CNTNAP5: variants seen among roughly 807,000 people sequenced by gnomAD.
CNTNAP5 encodes the protein contactin-associated protein-like 5.
In CNTNAP5, 72 loss-of-function variants were observed where a neutral mutation model predicts 150.2. The ratio of observed to expected loss-of-function variants is 0.48; its 90% CI spans 0.40 to 0.58. The LOEUF (loss-of-function observed/expected upper bound fraction) is 0.58. Among genes scored for constraint, CNTNAP5 ranks in the 20% least tolerant of loss-of-function variants. CNTNAP5 has a pLI of 0.00. For synonymous variants in CNTNAP5, 672 were observed against 619.8 expected, an observed-to-expected ratio of 1.08 and a Z score of -1.25; for missense variants, 1,636 against 1,626.2, an observed-to-expected ratio of 1.01 and a Z score of -0.10.
intron 1 of CNTNAP5, among the ~76,000 whole-genome samples, chr2:124,093,533 G>A (rs953889020): frequency 6.6e-6 from 1 of 152,174 alleles, no homozygotes; most frequent in African/African-American, 2.4e-5. Context: ...TTTGATGCTA[G>A]ATGTTTCAAG....
At chr2:124,316,064 C>T (rs1267900815) in intron 3 of CNTNAP5, among the ~76,000 whole-genome samples, 3 of 152,186 alleles carry the variant, frequency 2.0e-5, no homozygotes, top group African/African-American at 7.2e-5. Context: ...TCCAACAGAA[C>T]CTCAACTACT....
At chr2:124,420,417 C>T (rs995909240) in intron 4 of CNTNAP5, among the ~76,000 whole-genome samples, 13 of 152,144 alleles carry the variant, frequency 8.5e-5, no homozygotes, top group Non-Finnish European at 1.8e-4. Flanking sequence ...AGAATGGCTT[C>T]TCTCTAAAAC....
At chr2:124,549,266 T>C (rs1306606087) in intron 10 of CNTNAP5, among the ~76,000 whole-genome samples, 2 of 152,252 alleles carry the variant, frequency 1.3e-5, no homozygotes, top group East Asian at 3.9e-4. Context: ...ACAGTGGTAG[T>C]CTCCATTGGA....
At chr2:124,063,367 G>A (rs760636111) in intron 1 of CNTNAP5, among the ~76,000 whole-genome samples, 3 of 152,040 alleles carry the variant, frequency 2.0e-5, no homozygotes, top group Non-Finnish European at 2.9e-5. Flanking sequence ...AAATAGGAAC[G>A]TTGATGTAGA....
chr2:124,655,941 G>GAA (rs1180720883), intron 13 of CNTNAP5, among the ~76,000 whole-genome samples: 3,660 of 57,272 alleles, frequency 0.064, 74 homozygotes, highest in Non-Finnish European at 0.07. Flanking sequence ...GAGAGAGAGA[G>GAA]AGAGAGAAAG....
At chr2:124,343,160 G>A (rs942193230) in intron 3 of CNTNAP5, among the ~76,000 whole-genome samples, 1 of 152,022 alleles carries the variant, frequency 6.6e-6, no homozygotes, top group Non-Finnish European at 1.5e-5. Context: ...TAATAAAAAA[G>A]CAATTGAAAA....
chr2:124,091,114 C>T (rs1295755191), intron 1 of CNTNAP5, among the ~76,000 whole-genome samples: 2 of 152,018 alleles, frequency 1.3e-5, no homozygotes, highest in African/African-American at 2.4e-5. Context: ...CCCCAAACAG[C>T]GGAGTACAGA....
chr2:124,730,020 G>C (rs1197438525), intron 13 of CNTNAP5, among the ~76,000 whole-genome samples: 3 of 152,078 alleles, frequency 2.0e-5, no homozygotes, highest in Non-Finnish European at 2.9e-5. Flanking sequence ...ACAAGGAATA[G>C]GTTTGCTAGC....
At chr2:124,786,398 A>AGAAAGAAGGAAGGAAG (rs1553442119) in intron 17 of CNTNAP5, among the ~76,000 whole-genome samples, 31 of 45,192 alleles carry the variant, frequency 6.9e-4, no homozygotes, top group East Asian at 3.4e-3. Context: ...AAAGAAAGAA[A>AGAAAGAAGGAAGGAAG]GAAGGAAGGA....
chr2:124,411,002 AAGAG>A (rs1558889062), intron 3 of CNTNAP5, among the ~76,000 whole-genome samples: 1 of 152,196 alleles, frequency 6.6e-6, no homozygotes. Flanking sequence ...TAAAGAAAAA[AAGAG>A]AGAAGAATCA....
At chr2:124,626,870 G>A (rs371375019) in intron 12 of CNTNAP5, among the ~76,000 whole-genome samples, 240 of 152,240 alleles carry the variant, frequency 1.6e-3, no homozygotes, top group African/African-American at 5.5e-3. Flanking sequence ...AGTTCCCGGT[G>A]GGAGGAGTGA....
rs34959025 is a variant in CNTNAP5, at chr2:124,747,788, C to CTTTTTT, written c.2234+427_2234+432dup. On this transcript the variant is annotated intron_variant, in intron 14 of 23. Transcript: ENST00000682447. ...GCACATGCCACCACTCCTAACTCTT[C>CTTTTTT]TTTTTTTTTTTTTTTTTTTTTTTTT... is the stretch of plus-strand genomic sequence containing the variant. Among the ~76,000 whole-genome samples, 154 of 42,466 alleles carry CTTTTTT rather than the reference C, an allele frequency of 3.6e-3. 10 individuals are homozygous for CTTTTTT. Among genetic ancestry groups the CTTTTTT allele is most frequent in the Non-Finnish European group, 5.0e-3 (110 of 22,118 alleles). The allele number at this position is 42,466 out of a possible 152,430, so 27.9% of individuals were successfully genotyped here.
chr2:124,563,298 T>G lies in CNTNAP5; in HGVS notation c.1731T>G (p.Ser577Arg). The G allele has an allele frequency of 6.4e-7, 1 of 1,567,364 alleles. No individual in the cohort carries two copies. The highest frequency in any genetic ancestry group is 1.2e-5 in the South Asian group (1 of 85,240). Reference protein sequence around the residue: ...TTFYCNCSDTSYTGATCHNSI... With the variant: ...TTFYCNCSDTRYTGATCHNSI... ...TCTATTGTAACTGCAGTGACACAAG[T>G]TACACTGGTGCCACCTGCCACAACT... Residue 577 changes from serine to arginine, a missense_variant, in exon 11 of 24, where the codon AGT becomes AGG. By Grantham distance (110) the Ser-to-Arg change is moderately radical. Transcript: ENST00000682447.
intron 5 of CNTNAP5, among the ~76,000 whole-genome samples, chr2:124,443,638 T>C (rs988135174): frequency 1.3e-5 from 2 of 151,942 alleles, no homozygotes; most frequent in Admixed American, 1.3e-4. Flanking sequence ...ATAAAATCAG[T>C]TTGACTGATT....
intron 9 of CNTNAP5, among the ~76,000 whole-genome samples, chr2:124,525,809 G>T (rs1240231361): frequency 1.3e-5 from 2 of 152,154 alleles, no homozygotes; most frequent in East Asian, 3.9e-4. Context: ...TGTGCAGTAG[G>T]TAATATCCCC....
chr2:124,571,055 A>G (rs1258752384), intron 11 of CNTNAP5, among the ~76,000 whole-genome samples: 16 of 152,226 alleles, frequency 1.1e-4, no homozygotes, highest in Admixed American at 1.0e-3. Flanking sequence ...GGACTGAGTA[A>G]AACAATCTTA....
At chr2:124,101,437 C>T (rs1042021173) in intron 1 of CNTNAP5, among the ~76,000 whole-genome samples, 2 of 152,040 alleles carry the variant, frequency 1.3e-5, no homozygotes, top group African/African-American at 4.8e-5. Context: ...CCTACATTAA[C>T]CTGGAGGAAC....
intron 3 of CNTNAP5, among the ~76,000 whole-genome samples, chr2:124,409,824 G>A (rs1271646899): frequency 3.9e-5 from 6 of 151,914 alleles, no homozygotes; most frequent in South Asian, 4.2e-4. Context: ...ATCAACTAAC[G>A]AGCAAACTCA....
chr2:124,746,543 T>C (rs1392816859), intron 13 of CNTNAP5, among the ~76,000 whole-genome samples: 4 of 152,186 alleles, frequency 2.6e-5, no homozygotes, highest in African/African-American at 4.8e-5. Flanking sequence ...GAACTAATGA[T>C]GTCTTTTTAA....
Sources: allele counts gnomAD v4.1 joint callset (sites outside exome capture counted in the v4.1 genomes callset), GRCh38; gene constraint gnomAD v4.1.1; transcripts MANE v1.5; gene names NCBI Gene and HGNC (gene_info 2026-07-23, HGNC 2026-07-21).